ZSCAN20: variants seen among roughly 807,000 people sequenced by gnomAD.
ZSCAN20 encodes zinc finger and SCAN domain containing 20, also known as zinc finger and SCAN domain-containing protein 20.
ZSCAN20 carries 39 observed loss-of-function variants against 97.1 expected under a neutral mutation model. That is an observed-to-expected ratio of 0.40 (90% CI 0.31 to 0.52). The LOEUF (loss-of-function observed/expected upper bound fraction) is 0.52. Among genes scored for constraint, ZSCAN20 ranks in the 20% least tolerant of loss-of-function variants. ZSCAN20 has a pLI of 0.49. For missense variants in ZSCAN20, 1,115 were observed against 1,290.4 expected, an observed-to-expected ratio of 0.86 and a Z score of 2.08; for synonymous variants, 456 against 467.3, an observed-to-expected ratio of 0.98 and a Z score of 0.31.
chr1:33,493,039 TG>T lies in ZSCAN20; in HGVS notation c.1445-147del. ...CTGGCTGGCTGTCCTAGCATGCCCC[TG>T]AGAAGCAAAGGGATATTCTCCAGGT... On this transcript the variant is annotated intron_variant, in intron 6 of 7. Coordinates refer to ENST00000684572, the MANE Select transcript of ZSCAN20 (RefSeq NM_001377376.1). This position sits in a 1 kb window ranked among gnomAD's most constrained non-coding sequence, Gnocchi z 4.3. 1.2e-6 allele frequency: 1 copy of T among 810,952 alleles called. No homozygotes were observed. Among genetic ancestry groups the T allele is most frequent in the Non-Finnish European group, 1.9e-6 (1 of 526,974 alleles). 50.2% of individuals were successfully genotyped at this position (810,952 alleles called of 1,614,324 possible).
chr1:33,480,118 A>C (rs556152019), intron 2 of ZSCAN20, among the ~76,000 whole-genome samples: 1 of 152,330 alleles, frequency 6.6e-6, no homozygotes, highest in South Asian at 2.1e-4. Flanking sequence ...ATACTTAACA[A>C]AATCTTTCTG....
At position 33,498,074 on chromosome 1, in the gene ZSCAN20, A is replaced by T. The variant is rs1362345215; in HGVS notation, c.*2598A>T. ...TACTTGATAGTGCTGAATGGAGAGG[A>T]AGATGGCCCTCAAAGGAGATCTAGA... On this transcript the variant is annotated 3_prime_UTR_variant, in exon 8 of 8. Coordinates refer to ENST00000684572, the MANE Select transcript of ZSCAN20 (RefSeq NM_001377376.1). Among the ~76,000 whole-genome samples the T allele has an allele frequency of 6.6e-6, 1 of 152,144 alleles. No homozygotes were observed. The highest frequency in any genetic ancestry group is 2.4e-5 in the African/African-American group (1 of 41,434).
intron 6 of ZSCAN20, among the ~76,000 whole-genome samples, chr1:33,492,897 C>CTGAT (rs1652682343): frequency 6.6e-6 from 1 of 151,908 alleles, no homozygotes; most frequent in Non-Finnish European, 1.5e-5. Context: ...TCAGCTAAAG[C>CTGAT]CAGGCACATG....
At chr1:33,484,478 G>A (rs1055619632) in intron 2 of ZSCAN20, among the ~76,000 whole-genome samples, 1 of 152,126 alleles carries the variant, frequency 6.6e-6, no homozygotes, top group African/African-American at 2.4e-5. Context: ...GCCCGTTGAT[G>A]TGATGGGTTA....
intron 2 of ZSCAN20, among the ~76,000 whole-genome samples, chr1:33,482,776 AT>A (rs1652202354): frequency 6.6e-6 from 1 of 152,188 alleles, no homozygotes; most frequent in Non-Finnish European, 1.5e-5. Flanking sequence ...AGATAGTGGT[AT>A]TTTATTGTTG....
At position 33,491,352 on chromosome 1, in the gene ZSCAN20, G is replaced by C. The variant is rs1426736227; in HGVS notation, c.1094G>C (p.Arg365Thr). The change falls in exon 6 of 8, where the codon AGG (arginine) becomes ACG (threonine). Residue 365 changes from arginine (R) to threonine (T), a missense_variant. This residue lies in a region of ZSCAN20 where 508 missense variants were observed against 611.2 expected (regional missense o/e 0.83). Coordinates refer to ENST00000684572, the MANE Select transcript of ZSCAN20 (RefSeq NM_001377376.1). The surrounding 1 kb of genome is among the most constrained non-coding windows in gnomAD (Gnocchi z 4.3). ...TATCGGGCCATTGCAGAGCAGCTAA[G>C]GGCAAGGGGCTTCCTGCGGACACTG... ...QVYRAIAEQL[R>T]ARGFLRTLEQ... is the part of the protein sequence containing the mutation. The C allele has an allele frequency of 1.2e-6, 2 of 1,614,046 alleles. No individual in the cohort carries two copies. The highest frequency in any genetic ancestry group is 1.7e-5 in the Admixed American group (1 of 59,996).
At position 33,493,499 on chromosome 1, in the gene ZSCAN20, G is replaced by A. The variant is rs776994451; in HGVS notation, c.1757G>A (p.Gly586Asp). The A allele has an allele frequency of 7.4e-6, 12 of 1,614,178 alleles. No homozygotes were observed. In the South Asian group the frequency reaches 9.9e-5, roughly 13 times the overall value. ...RAMGTVREAA[G>D]LPRCGQSSAE... ...ATGGGGACTGTCCGAGAGGCTGCAGGTCTCCCTAGGTGTGGGCAGAGTAGT... is the reference window on the plus strand; with the variant it reads ...ATGGGGACTGTCCGAGAGGCTGCAGATCTCCCTAGGTGTGGGCAGAGTAGT... The change falls in exon 7 of 8, where the codon GGT becomes GAT. Residue 586 changes from glycine to aspartate, a missense_variant. By Grantham distance (94) the Gly-to-Asp change is moderately conservative. Around this residue, in one of 3 missense-constraint regions of ZSCAN20, gnomAD observed 554 missense variants for 584.9 expected, o/e 0.95. Coordinates refer to ENST00000684572, the MANE Select transcript of ZSCAN20 (RefSeq NM_001377376.1). This position sits in a 1 kb window ranked among gnomAD's most constrained non-coding sequence, Gnocchi z 4.3.
In ZSCAN20 at chr1:33,493,207, G is replaced by A; in HGVS notation, c.1465G>A (p.Glu489Lys). The stretch of plus-strand genomic sequence containing the variant: ...GACAGCAGGTGTGCACTGGGGCTAT[G>A]AGGAGACCAAGGCCTTCCTGGCAAT... ...SRIAGVHWGYEETKAFLAILS... is the reference protein window; with the variant it reads ...SRIAGVHWGYKETKAFLAILS... Residue 489 changes from glutamate (E) to lysine (K), a missense_variant, in exon 7 of 8, where the codon GAG becomes AAG. Coordinates refer to ENST00000684572, the MANE Select transcript of ZSCAN20 (RefSeq NM_001377376.1). The surrounding 1 kb of genome is among the most constrained non-coding windows in gnomAD (Gnocchi z 4.3). The A allele has an allele frequency of 6.2e-7, 1 of 1,614,108 alleles. No individual in the cohort carries two copies.
At position 33,493,334 on chromosome 1, in the gene ZSCAN20, G is replaced by A. The variant is rs759597944; in HGVS notation, c.1592G>A (p.Arg531Gln). ...CGGCTGTGTGCTCTGGGCTTCCTGC[G>A]GACACTGGAGCAGTGTCGCTACAGA... ...AERLCALGFLRTLEQCRYRFK... is the reference protein window; with the variant it reads ...AERLCALGFLQTLEQCRYRFK... Residue 531 changes from arginine to glutamine, a missense_variant, in exon 7 of 8, where the codon CGG (arginine) becomes CAG (glutamine). Physicochemically the swap from Arg to Gln is conservative, Grantham distance 43. This residue lies in a region of ZSCAN20 where 53 missense variants were observed against 94.3 expected (regional missense o/e 0.56). Coordinates refer to ENST00000684572, the MANE Select transcript of ZSCAN20 (RefSeq NM_001377376.1). The surrounding 1 kb of genome is among the most constrained non-coding windows in gnomAD (Gnocchi z 4.3). 10 of 1,614,130 alleles carry A rather than the reference G, an allele frequency of 6.2e-6. No individual in the cohort carries two copies. Among genetic ancestry groups the A allele is most frequent in the South Asian group, 4.4e-5 (4 of 91,074 alleles).
At chr1:33,484,710 C>T (rs1218543946) in intron 2 of ZSCAN20, among the ~76,000 whole-genome samples, 1 of 151,610 alleles carries the variant, frequency 6.6e-6, no homozygotes, top group Admixed American at 6.6e-5. Context: ...CAACCTCTGC[C>T]TCCTGGGTTC....
Position 33,488,476 on chromosome 1 carries a change from G to C in ZSCAN20, c.429G>C (p.Leu143Phe). 5 of 1,612,216 alleles carry C rather than the reference G, an allele frequency of 3.1e-6. No homozygotes were observed. The South Asian group carries it at 5.5e-5, about 18-fold the overall frequency. ...CTATTTGTGTGTAGGGACTGGAATT[G>C]CATACAGAAGAGACCAGGCCCTTAA... ...TRTAGQSGLE[L>F]HTEETRPLKT... The change falls in exon 3 of 8, where the codon TTG (leucine) becomes TTC (phenylalanine). Residue 143 changes from leucine to phenylalanine, a missense_variant. Around this residue, in one of 3 missense-constraint regions of ZSCAN20, gnomAD observed 508 missense variants for 611.2 expected, o/e 0.83. Transcript: ENST00000684572.
In ZSCAN20 at chr1:33,493,148, C is replaced by T. The variant is rs1043135876; in HGVS notation, c.1445-39C>T. 6.3e-7 allele frequency: 1 copy of T among 1,593,562 alleles called. No individual in the cohort carries two copies. Among genetic ancestry groups the T allele is most frequent in the Non-Finnish European group, 8.6e-7 (1 of 1,164,678 alleles). The stretch of plus-strand genomic sequence containing the variant: ...ATTCTCTGATGACCTAGGCACATCT[C>T]ATTAAGTCTCACAGTTCTCAACTCT... On this transcript the variant is annotated intron_variant, in intron 6 of 7. Transcript: ENST00000684572. The surrounding 1 kb of genome is among the most constrained non-coding windows in gnomAD (Gnocchi z 4.3).
chr1:33,495,376 G>A lies in ZSCAN20; in HGVS notation c.3032G>A (p.Gly1011Glu). 6.2e-7 allele frequency: 1 copy of A among 1,612,534 alleles called. No individual in the cohort carries two copies. Among genetic ancestry groups the A allele is most frequent in the Non-Finnish European group, 8.5e-7 (1 of 1,179,112 alleles). ...SLIIHQRIHT[G>E]EKPYKCTECG... ...ATTATTCACCAGAGAATCCACACAG[G>A]GGAGAAACCCTACAAGTGCACAGAG... Residue 1011 changes from glycine (G) to glutamate (E), a missense_variant, in exon 8 of 8, where the codon GGG becomes GAG. Coordinates refer to ENST00000684572, the MANE Select transcript of ZSCAN20 (RefSeq NM_001377376.1).
chr1:33,477,411 T>A (rs937047415), intron 1 of ZSCAN20, among the ~76,000 whole-genome samples: 5 of 152,058 alleles, frequency 3.3e-5, no homozygotes, highest in African/African-American at 9.7e-5. Context: ...GCTAATGATC[T>A]CCTTTGAGTG....
intron 2 of ZSCAN20, among the ~76,000 whole-genome samples, chr1:33,479,912 G>A (rs1652082989): frequency 6.6e-6 from 1 of 152,150 alleles, no homozygotes; most frequent in Admixed American, 6.5e-5. Context: ...AATGAGATAG[G>A]TGCTATTATC....
Position 33,497,479 on chromosome 1 carries a change from G to A in ZSCAN20, c.*2003G>A, listed in dbSNP as rs1652916232. ...GCATGGATTCAGGGTGGGGTTGTAT[G>A]ATGGGAGGTTGGGAACAGGGAGCTG... On this transcript the variant is annotated 3_prime_UTR_variant, in exon 8 of 8. Transcript: ENST00000684572. 2.0e-5 allele frequency among the ~76,000 whole-genome samples: 3 copies of A among 152,214 alleles called. No individual in the cohort carries two copies.
In ZSCAN20 at chr1:33,490,198, C is replaced by T. The variant is rs1208336953; in HGVS notation, c.766+596C>T. On this transcript the variant is annotated intron_variant, in intron 5 of 7. Coordinates refer to ENST00000684572, the MANE Select transcript of ZSCAN20 (RefSeq NM_001377376.1). ...ATGGTAAGTTTAGATACCAGAAGCT[C>T]GCTGGCTACTTGCTTGACAGTGGAA... 4.6e-5 allele frequency among the ~76,000 whole-genome samples: 7 copies of T among 152,128 alleles called. No individual in the cohort carries two copies. The South Asian group carries it at 1.0e-3, about 22-fold the overall frequency.
At position 33,500,444 on chromosome 1, in the gene ZSCAN20, T is replaced by C. The variant is rs945024671; in HGVS notation, c.*4968T>C. On this transcript the variant is annotated 3_prime_UTR_variant, in exon 8 of 8. Transcript: ENST00000684572. ...GTTTGGTTCCCCCACTTCTCAAAGC[T>C]GAGAGCTTCTTTGTTTTAAGAGCCA... Among the ~76,000 whole-genome samples the C allele has an allele frequency of 1.3e-5, 2 of 152,134 alleles. No homozygotes were observed. The highest frequency in any genetic ancestry group is 2.9e-5 in the Non-Finnish European group (2 of 68,024).
intron 5 of ZSCAN20, among the ~76,000 whole-genome samples, chr1:33,490,236 C>T (rs1454705255): frequency 6.6e-6 from 1 of 152,164 alleles, no homozygotes; most frequent in Non-Finnish European, 1.5e-5. Context: ...CCTTTTTACA[C>T]ATGATATCTG....
Sources: allele counts gnomAD v4.1 joint callset (sites outside exome capture counted in the v4.1 genomes callset), GRCh38; gene constraint gnomAD v4.1.1; regional missense constraint gnomAD v4.1.1; non-coding constraint Gnocchi (gnomAD v3.1); transcripts MANE v1.5; gene names NCBI Gene and HGNC (gene_info 2026-07-23, HGNC 2026-07-21).